ST3GAL4: variants seen among roughly 807,000 people sequenced by gnomAD.
ST3GAL4 encodes the protein ST3 beta-galactoside alpha-2,3-sialyltransferase 4, also known as CMP-N-acetylneuraminate-beta-galactosamide-alpha-2,3-sialyltransferase 4.
In ST3GAL4, 24 loss-of-function variants were observed where a neutral mutation model predicts 42.6. The observed-to-expected ratio is 0.56, with a 90% CI of 0.41 to 0.79. ST3GAL4 has a LOEUF of 0.79. Among genes scored for constraint, ST3GAL4 ranks in the 30% least tolerant of loss-of-function variants. The probability of loss-of-function intolerance (pLI) is 0.00; values close to 1 mark genes in which losing one functional copy is unlikely to be tolerated. For missense variants in ST3GAL4, 311 were observed against 430.8 expected (o/e 0.72, Z 2.46); for synonymous variants, 135 against 163.2 (o/e 0.83, Z 1.32).
At chr11:126,408,836 A>G in intron 8 of ST3GAL4, 1 of 431,544 alleles carries the variant, frequency 2.3e-6, no homozygotes, top group Non-Finnish European at 4.2e-6. Context: ...CTCCAGGCTG[A>G]GGGCAGGTTA....
chr11:126,377,062 A>G (rs1952850633), intron 1 of ST3GAL4, among the ~76,000 whole-genome samples: 1 of 152,210 alleles, frequency 6.6e-6, no homozygotes, highest in Non-Finnish European at 1.5e-5. Context: ...CCAAGACTTA[A>G]CCAGCTGAGT....
In ST3GAL4 at chr11:126,384,034, A is replaced by T. The variant is rs929489896; in HGVS notation, c.-60-22062A>T. Reference sequence around the variant, plus strand: ...GGCCCTGCCCCACTCTCCCTTCCCAATGCAGGGCCCTCTCCTCTGGCGAGC... The same window carrying T: ...GGCCCTGCCCCACTCTCCCTTCCCATTGCAGGGCCCTCTCCTCTGGCGAGC... On this transcript the variant is annotated intron_variant, in intron 1 of 10. Transcript: ENST00000444328. This position sits in a 1 kb window ranked among gnomAD's most constrained non-coding sequence, Gnocchi z 5.5. Among the ~76,000 whole-genome samples the T allele has an allele frequency of 1.3e-5, 2 of 151,952 alleles. No individual in the cohort carries two copies. Among genetic ancestry groups the T allele is most frequent in the Non-Finnish European group, 2.9e-5 (2 of 67,976 alleles).
At chr11:126,395,055 T>C (rs1264452450) in intron 1 of ST3GAL4, among the ~76,000 whole-genome samples, 3 of 152,110 alleles carry the variant, frequency 2.0e-5, no homozygotes, top group Admixed American at 6.5e-5. Context: ...CCAGGCGTGC[T>C]GTGATCACAG....
chr11:126,380,768 T>G (rs991807479), intron 1 of ST3GAL4, among the ~76,000 whole-genome samples: 1 of 152,158 alleles, frequency 6.6e-6, no homozygotes, highest in African/African-American at 2.4e-5. Flanking sequence ...CCTGAGCATC[T>G]CCAAAGAAGA....
intron 1 of ST3GAL4, chr11:126,358,495 A>G (rs1326107856): frequency 4.4e-6 from 2 of 454,580 alleles, no homozygotes; most frequent in South Asian, 3.1e-5. Flanking sequence ...AACCCCTGCC[A>G]CATTTCGGGG....
At chr11:126,395,425 A>G (rs556187717) in intron 1 of ST3GAL4, among the ~76,000 whole-genome samples, 43 of 152,294 alleles carry the variant, frequency 2.8e-4, no homozygotes, top group Middle Eastern at 6.8e-3. Flanking sequence ...AAAGCATTCT[A>G]GACTGAGTGA....
Position 126,359,874 on chromosome 11 carries a change from C to T in ST3GAL4, c.-61+4032C>T, listed in dbSNP as rs1226378073. On this transcript the variant is annotated intron_variant, in intron 1 of 10. Coordinates refer to ENST00000444328, the MANE Select transcript of ST3GAL4 (RefSeq NM_001254757.2). This position sits in a 1 kb window ranked among gnomAD's most constrained non-coding sequence, Gnocchi z 4.8. ...ATTCCTTTGGAAATGTGGCTGCCGC[C>T]CACATGGCTGCAAGGCAACCACGGC... 6.6e-6 allele frequency among the ~76,000 whole-genome samples: 1 copy of T among 152,258 alleles called. No individual in the cohort carries two copies. The highest frequency in any genetic ancestry group is 1.5e-5 in the Non-Finnish European group (1 of 68,046).
Position 126,391,951 on chromosome 11 carries a change from GTGTGTGTGTGTGTGTGTGTGTA to G in ST3GAL4, c.-60-14135_-60-14114del, listed in dbSNP as rs1182055228. On this transcript the variant is annotated intron_variant, in intron 1 of 10. Transcript: ENST00000444328. This position sits in a 1 kb window ranked among gnomAD's most constrained non-coding sequence, Gnocchi z 5.5. ...ATAACTTGGTCGTGTGTGTGTGTGT[GTGTGTGTGTGTGTGTGTGTGTA>G]TGTGTGTGTATGTGTATATATAAAA... 7.3e-6 allele frequency among the ~76,000 whole-genome samples: 1 copy of G among 136,800 alleles called. No homozygotes were observed. The highest frequency in any genetic ancestry group is 1.6e-5 in the Non-Finnish European group (1 of 62,202). The allele number at this position is 136,800 out of a possible 152,430, so 89.7% of individuals were successfully genotyped here.
rs1260947589 is a variant in ST3GAL4, at chr11:126,392,341, C to T, written c.-60-13755C>T. ...GGACATCAGTTCTGATATGGTGCAG[C>T]AGACATGGAGCTGGTAAGTGGTTAA... is the stretch of plus-strand genomic sequence containing the variant. On this transcript the variant is annotated intron_variant, in intron 1 of 10. Transcript: ENST00000444328. The surrounding 1 kb of genome is among the most constrained non-coding windows in gnomAD (Gnocchi z 5.8). 5 of 985,792 alleles carry T rather than the reference C, an allele frequency of 5.1e-6. No individual in the cohort carries two copies. Among genetic ancestry groups the T allele is most frequent in the African/African-American group, 3.5e-5 (2 of 57,244 alleles). The allele number at this position is 985,792 out of a possible 1,614,324, so 61.1% of individuals were successfully genotyped here.
At chr11:126,390,289 T>C (rs954697445) in intron 1 of ST3GAL4, among the ~76,000 whole-genome samples, 1 of 151,788 alleles carries the variant, frequency 6.6e-6, no homozygotes, top group Non-Finnish European at 1.5e-5. Flanking sequence ...GCACAGTGTA[T>C]ATAGCCATGG....
In ST3GAL4 at chr11:126,373,263, G is replaced by T. The variant is rs542307112; in HGVS notation, c.-61+17421G>T. Among the ~76,000 whole-genome samples, 1 of 152,296 alleles carries T rather than the reference G, an allele frequency of 6.6e-6. No individual in the cohort carries two copies. Among genetic ancestry groups the T allele is most frequent in the Non-Finnish European group, 1.5e-5 (1 of 68,028 alleles). ...CTGCATCTAGAAAGATGGGAGGTGG[G>T]GAGTGCAACTTCCCCAATTTTGCCT... On this transcript the variant is annotated intron_variant, in intron 1 of 10. Coordinates refer to ENST00000444328, the MANE Select transcript of ST3GAL4 (RefSeq NM_001254757.2). This position sits in a 1 kb window ranked among gnomAD's most constrained non-coding sequence, Gnocchi z 5.5.
rs1953492086 is a variant in ST3GAL4 at position 126,391,020 on chromosome 11, T to C, written c.-60-15076T>C. Among the ~76,000 whole-genome samples the C allele has an allele frequency of 6.6e-6, 1 of 152,236 alleles. No individual in the cohort carries two copies. The highest frequency in any genetic ancestry group is 1.5e-5 in the Non-Finnish European group (1 of 68,038). ...TCCATACTGGTAGCAGAATTTCCTT[T>C]CTTTTTCAGGCTGAATAATATTCCA... On this transcript the variant is annotated intron_variant, in intron 1 of 10. Coordinates refer to ENST00000444328, the MANE Select transcript of ST3GAL4 (RefSeq NM_001254757.2). The surrounding 1 kb of genome is among the most constrained non-coding windows in gnomAD (Gnocchi z 5.5).
chr11:126,368,500 TC>T (rs1952519994), intron 1 of ST3GAL4, among the ~76,000 whole-genome samples: 4 of 152,184 alleles, frequency 2.6e-5, no homozygotes, highest in South Asian at 2.1e-4. Flanking sequence ...TATTATTCCG[TC>T]AGCCCTTCTG....
rs1485314223 is a variant in ST3GAL4, at chr11:126,407,600, A to G, written c.307A>G (p.Ile103Val). The change falls in exon 6 of 11, where the codon ATC becomes GTC. Residue 103 changes from isoleucine (I) to valine (V), a missense_variant. Physicochemically the swap from Ile to Val is conservative, Grantham distance 29 (BLOSUM62 3). Coordinates refer to ENST00000444328, the MANE Select transcript of ST3GAL4 (RefSeq NM_001254757.2). The part of the protein sequence containing the change: ...SEDLLLRVLA[I>V]TSSSIPKNIQ... ...GGATCTGCTCCTCCGGGTGCTAGCC[A>G]TCACCAGCTCCTCCATCCCCAAGAA... 6.2e-7 allele frequency: 1 copy of G among 1,614,146 alleles called. No individual in the cohort carries two copies. Among genetic ancestry groups the G allele is most frequent in the Non-Finnish European group, 8.5e-7 (1 of 1,180,022 alleles).
intron 1 of ST3GAL4, among the ~76,000 whole-genome samples, chr11:126,368,532 T>C (rs971950407): frequency 5.3e-5 from 8 of 151,634 alleles, no homozygotes; most frequent in Admixed American, 2.0e-4. Flanking sequence ...AGGGAAGGAG[T>C]GATGTGACCT....
At chr11:126,365,850 G>A (rs996154928) in intron 1 of ST3GAL4, among the ~76,000 whole-genome samples, 2 of 152,188 alleles carry the variant, frequency 1.3e-5, no homozygotes, top group Non-Finnish European at 2.9e-5. Flanking sequence ...AGTGTGTGTT[G>A]TGTGGGCGCC....
At position 126,366,534 on chromosome 11, in the gene ST3GAL4, C is replaced by T. The variant is rs1224052543; in HGVS notation, c.-61+10692C>T. On this transcript the variant is annotated intron_variant, in intron 1 of 10. Coordinates refer to ENST00000444328, the MANE Select transcript of ST3GAL4 (RefSeq NM_001254757.2). The surrounding 1 kb of genome is among the most constrained non-coding windows in gnomAD (Gnocchi z 4.2). ...GCTTTCCTCACCCCGCTTCCCACGTCTTCATTGAGTCCTCATCTGGGGGCC... is the reference window on the plus strand; with the variant it reads ...GCTTTCCTCACCCCGCTTCCCACGTTTTCATTGAGTCCTCATCTGGGGGCC... Among the ~76,000 whole-genome samples the T allele has an allele frequency of 6.6e-6, 1 of 152,172 alleles. No homozygotes were observed. The highest frequency in any genetic ancestry group is 1.5e-5 in the Non-Finnish European group (1 of 68,022).
rs1952318612 is a variant in ST3GAL4 at position 126,363,486 on chromosome 11, C to G, written c.-61+7644C>G. ...ATTGGGAGCCCATGGGAGCAGGAGT[C>G]AGCTCCTCCTGTTGGCAGCTCCAGC... On this transcript the variant is annotated intron_variant, in intron 1 of 10. Coordinates refer to ENST00000444328, the MANE Select transcript of ST3GAL4 (RefSeq NM_001254757.2). The surrounding 1 kb of genome is among the most constrained non-coding windows in gnomAD (Gnocchi z 4.6). 6.6e-6 allele frequency among the ~76,000 whole-genome samples: 1 copy of G among 152,190 alleles called. No individual in the cohort carries two copies. Among genetic ancestry groups the G allele is most frequent in the Non-Finnish European group, 1.5e-5 (1 of 68,030 alleles).
rs189779577 is a variant in ST3GAL4 at position 126,372,744 on chromosome 11, T to C, written c.-61+16902T>C. Among the ~76,000 whole-genome samples, 65 of 152,312 alleles carry C rather than the reference T, an allele frequency of 4.3e-4. 1 individual carries two copies. Among genetic ancestry groups the C allele is most frequent in the African/African-American group, 1.4e-3 (59 of 41,572 alleles). On this transcript the variant is annotated intron_variant, in intron 1 of 10. Transcript: ENST00000444328. The stretch of plus-strand genomic sequence containing the variant: ...TTGGATTTTATACAGCAAAACTCCA[T>C]AATATTTCCTTTACATGAATTTCCT...
Sources: gnomAD v4.1 joint callset for allele counts (sites outside exome capture counted in the v4.1 genomes callset) on GRCh38, gnomAD v4.1.1 for gene constraint, Gnocchi (gnomAD v3.1) non-coding constraint, MANE v1.5 for transcripts, NCBI Gene and HGNC (gene_info 2026-07-23, HGNC 2026-07-21) for gene names.